COP1: variants seen among roughly 807,000 people sequenced by gnomAD.
COP1 encodes E3 ubiquitin-protein ligase COP1.
A neutral mutation model predicts 101.3 loss-of-function variants in COP1; 24 were observed. That is an observed-to-expected ratio of 0.24 (90% CI 0.17 to 0.33). The LOEUF is 0.33. Ranked by LOEUF, COP1 falls within the 10% of genes least tolerant of loss-of-function variation. COP1 has a pLI of 1.00. For synonymous variants in COP1, 347 were observed against 341.9 expected, an observed-to-expected ratio of 1.01 and a Z score of -0.17; for missense variants, 663 against 906.2, an observed-to-expected ratio of 0.73 and a Z score of 3.45.
chr1:176,109,041 G>A (rs1304951706), intron 9 of COP1, among the ~76,000 whole-genome samples: 1 of 152,096 alleles, frequency 6.6e-6, no homozygotes, highest in Non-Finnish European at 1.5e-5. Context: ...GAACCCGGGA[G>A]GTGGAGGTTG....
chr1:175,970,183 G>A (rs1372555626), intron 18 of COP1, among the ~76,000 whole-genome samples: 1 of 152,152 alleles, frequency 6.6e-6, no homozygotes, highest in East Asian at 1.9e-4. Context: ...GTGAACATCA[G>A]TTGGTAGACT....
intron 18 of COP1, 127 bp from the exon 19 acceptor site, chr1:175,947,366 T>A: frequency 7.5e-6 from 5 of 667,618 alleles, no homozygotes; most frequent in Non-Finnish European, 7.9e-6. Context: ...AATATGAAGA[T>A]ACAATTTTTT....
At chr1:175,975,217 T>C (rs1229065077) in intron 18 of COP1, among the ~76,000 whole-genome samples, 1 of 152,124 alleles carries the variant, frequency 6.6e-6, no homozygotes, top group Non-Finnish European at 1.5e-5. Flanking sequence ...TAGATTTCAT[T>C]TGATAGGATA....
chr1:176,054,183 G>A (rs1344155221), intron 11 of COP1, among the ~76,000 whole-genome samples: 1 of 142,628 alleles, frequency 7.0e-6, no homozygotes, highest in Admixed American at 7.0e-5. Flanking sequence ...TTTTTGAGAT[G>A]GTGCCTCACT....
chr1:176,155,618 C>T (rs942037584), intron 5 of COP1, among the ~76,000 whole-genome samples: 3 of 151,824 alleles, frequency 2.0e-5, no homozygotes, highest in African/African-American at 4.8e-5. Context: ...TGAATTTGTT[C>T]GCTGCCAAAA....
intron 18 of COP1, among the ~76,000 whole-genome samples, chr1:175,956,964 T>A (rs2148515797): frequency 6.6e-6 from 1 of 151,882 alleles, no homozygotes; most frequent in South Asian, 2.1e-4. Context: ...AAAGTAAAAA[T>A]AAATAAATAC....
intron 18 of COP1, among the ~76,000 whole-genome samples, chr1:175,953,999 T>C (rs994687247): frequency 6.6e-6 from 1 of 152,166 alleles, no homozygotes; most frequent in African/African-American, 2.4e-5. Context: ...AGAATACACA[T>C]TCTTTTCAAA....
chr1:175,969,049 C>T (rs923814349), intron 18 of COP1, among the ~76,000 whole-genome samples: 3 of 152,290 alleles, frequency 2.0e-5, no homozygotes, highest in African/African-American at 2.4e-5. Context: ...GAGAGCTATT[C>T]GCAAATTTCC....
chr1:176,024,367 T>C (rs886433883), intron 15 of COP1, among the ~76,000 whole-genome samples: 1 of 152,136 alleles, frequency 6.6e-6, no homozygotes, highest in Non-Finnish European at 1.5e-5. Context: ...CATATTACTA[T>C]AGTATGGGAC....
At chr1:176,085,507 G>C (rs1679971360) in intron 10 of COP1, among the ~76,000 whole-genome samples, 2 of 151,986 alleles carry the variant, frequency 1.3e-5, no homozygotes, top group African/African-American at 4.8e-5. Context: ...ACTTATTTTT[G>C]TTGGCTACAT....
At chr1:176,100,032 C>T (rs1188731537) in intron 9 of COP1, among the ~76,000 whole-genome samples, 1 of 152,084 alleles carries the variant, frequency 6.6e-6, no homozygotes, top group Non-Finnish European at 1.5e-5. Context: ...AATAATCAGG[C>T]CAAGTATAAG....
chr1:176,076,480 G>C (rs1338721005), intron 11 of COP1, among the ~76,000 whole-genome samples: 1 of 152,116 alleles, frequency 6.6e-6, no homozygotes, highest in Non-Finnish European at 1.5e-5. Context: ...GCAGTGTAGA[G>C]AGGAAAATTT....
intron 18 of COP1, among the ~76,000 whole-genome samples, chr1:175,976,585 T>C (rs1360506183): frequency 2.0e-5 from 3 of 152,186 alleles, no homozygotes; most frequent in African/African-American, 7.2e-5. Flanking sequence ...GCCTCATTTA[T>C]TCCTTCTTAT....
intron 1 of COP1, among the ~76,000 whole-genome samples, chr1:176,198,515 CAA>C (rs1204608498): frequency 2.6e-5 from 4 of 152,018 alleles, no homozygotes; most frequent in Admixed American, 2.0e-4. Context: ...AGAAAATATA[CAA>C]GAGAATGTTT....
At chr1:175,958,459 T>C (rs986617883) in intron 18 of COP1, among the ~76,000 whole-genome samples, 1 of 151,980 alleles carries the variant, frequency 6.6e-6, no homozygotes, top group African/African-American at 2.4e-5. Flanking sequence ...GAAAGGTAAA[T>C]ATTTTTGTCA....
At chr1:176,166,697 G>A (rs576618939) in intron 3 of COP1, among the ~76,000 whole-genome samples, 13 of 152,096 alleles carry the variant, frequency 8.5e-5, no homozygotes, top group Non-Finnish European at 1.6e-4. Flanking sequence ...ATTATTTAGG[G>A]AGGCTGAGGC....
chr1:176,132,265 A>G (rs1423281850), intron 8 of COP1, among the ~76,000 whole-genome samples: 2 of 151,842 alleles, frequency 1.3e-5, no homozygotes, highest in Non-Finnish European at 2.9e-5. Context: ...ACTTTCCATC[A>G]TAATTAGTCT....
At chr1:176,068,751 C>T (rs1357965785) in intron 11 of COP1, among the ~76,000 whole-genome samples, 2 of 152,206 alleles carry the variant, frequency 1.3e-5, no homozygotes, top group African/African-American at 2.4e-5. Context: ...AAGGACTTCT[C>T]TAGAAGTAGT....
chr1:176,126,245 T>C (rs1687967420), intron 8 of COP1, among the ~76,000 whole-genome samples: 1 of 152,218 alleles, frequency 6.6e-6, no homozygotes, highest in Non-Finnish European at 1.5e-5. Flanking sequence ...GCTAGGACTT[T>C]TAGTACTACG....
Sources: gnomAD v4.1 joint callset for allele counts (sites outside exome capture counted in the v4.1 genomes callset) on GRCh38, gnomAD v4.1.1 for gene constraint, MANE v1.5 for transcripts, NCBI Gene and HGNC (gene_info 2026-07-23, HGNC 2026-07-21) for gene names.